The following ROBO2 variants were observed in gnomAD, a reference collection of about 807,000 sequenced individuals.
The protein encoded by ROBO2 is roundabout guidance receptor 2.
In ROBO2, 53 loss-of-function variants were observed where a neutral mutation model predicts 160.8. The ratio of observed to expected loss-of-function variants is 0.33; its 90% confidence interval spans 0.26 to 0.41. ROBO2 has a LOEUF of 0.41. ROBO2 is among the 10% of genes least tolerant of loss of function. The probability of loss-of-function intolerance (pLI) is 1.00; values close to 1 mark genes in which losing one functional copy is unlikely to be tolerated. For missense variants in ROBO2, 1,577 were observed against 1,722.4 expected, an observed-to-expected ratio of 0.92 and a Z score of 1.49; for synonymous variants, 664 against 611.7, an observed-to-expected ratio of 1.09 and a Z score of -1.26.
At chr3:77,355,343 C>T (rs993139158) in intron 2 of ROBO2, among the ~76,000 whole-genome samples, 1 of 152,164 alleles carries the variant, frequency 6.6e-6, no homozygotes, top group African/African-American at 2.4e-5. Flanking sequence ...TGGCTTCTTG[C>T]ACTTAGCAAA....
intron 2 of ROBO2, among the ~76,000 whole-genome samples, chr3:77,387,642 G>GA (rs533585196): frequency 7.8e-4 from 107 of 137,156 alleles, no homozygotes; most frequent in Middle Eastern, 7.5e-3. Flanking sequence ...TCTACCAAAA[G>GA]AAAAAAAAAA....
chr3:77,621,542 C>G (rs1291934790), intron 22 of ROBO2, among the ~76,000 whole-genome samples: 1 of 152,114 alleles, frequency 6.6e-6, no homozygotes, highest in Non-Finnish European at 1.5e-5. Context: ...TTATTTAACA[C>G]ACTAGTGTTC....
chr3:76,736,554 A>G (rs991594309), intron 2 of ROBO2, among the ~76,000 whole-genome samples: 3 of 152,234 alleles, frequency 2.0e-5, no homozygotes, highest in Non-Finnish European at 4.4e-5. Context: ...TGTTTGGAAC[A>G]TGTGCTTTGG....
At chr3:76,574,732 C>G (rs2108637186) in intron 2 of ROBO2, among the ~76,000 whole-genome samples, 1 of 152,170 alleles carries the variant, frequency 6.6e-6, no homozygotes, top group Non-Finnish European at 1.5e-5. Flanking sequence ...CCGGGCTTCT[C>G]AAACTTTAAT....
At chr3:76,794,188 A>C (rs2063545522) in intron 2 of ROBO2, among the ~76,000 whole-genome samples, 1 of 151,804 alleles carries the variant, frequency 6.6e-6, no homozygotes, top group Admixed American at 6.6e-5. Context: ...AATGAGGAAA[A>C]AATTATGGAA....
intron 2 of ROBO2, among the ~76,000 whole-genome samples, chr3:76,205,849 A>G (rs1283974041): frequency 6.6e-6 from 1 of 152,180 alleles, no homozygotes; most frequent in Non-Finnish European, 1.5e-5. Flanking sequence ...CTGATAGAAA[A>G]GGAAGCATTT....
chr3:76,623,954 T>C (rs1578641267), intron 2 of ROBO2, among the ~76,000 whole-genome samples: 1 of 152,284 alleles, frequency 6.6e-6, no homozygotes, highest in African/African-American at 2.4e-5. Flanking sequence ...GTATAACTTA[T>C]ATATTTTATC....
At chr3:76,683,150 T>A (rs2092606562) in intron 2 of ROBO2, among the ~76,000 whole-genome samples, 1 of 152,090 alleles carries the variant, frequency 6.6e-6, no homozygotes, top group Non-Finnish European at 1.5e-5. Flanking sequence ...AATTGTGGCA[T>A]CCAGAGGCAT....
At chr3:77,270,978 T>G (rs531678028) in intron 2 of ROBO2, among the ~76,000 whole-genome samples, 1 of 152,246 alleles carries the variant, frequency 6.6e-6, no homozygotes, top group African/African-American at 2.4e-5. Flanking sequence ...TATGTCATTG[T>G]TGAAAGTGAT....
At chr3:77,154,289 G>A (rs1050870489) in intron 2 of ROBO2, among the ~76,000 whole-genome samples, 2 of 152,026 alleles carry the variant, frequency 1.3e-5, no homozygotes, top group African/African-American at 2.4e-5. Flanking sequence ...AATAGGTACA[G>A]AGGAAAAAAA....
chr3:76,223,880 T>C (rs1704129025), intron 2 of ROBO2, among the ~76,000 whole-genome samples: 1 of 152,218 alleles, frequency 6.6e-6, no homozygotes, highest in Non-Finnish European at 1.5e-5. Flanking sequence ...CCAAAAATGT[T>C]TTAAAGTATC....
intron 12 of ROBO2, among the ~76,000 whole-genome samples, chr3:77,566,442 A>G (rs1407983355): frequency 6.6e-6 from 1 of 152,086 alleles, no homozygotes; most frequent in South Asian, 2.1e-4. Context: ...TGTTTGAATT[A>G]AGTGTGTAAA....
chr3:76,438,727 A>G (rs886878424), intron 2 of ROBO2, among the ~76,000 whole-genome samples: 2 of 152,122 alleles, frequency 1.3e-5, no homozygotes, highest in African/African-American at 2.4e-5. Context: ...TAAATTTATT[A>G]ATTTTCATGG....
At chr3:77,570,334 G>T (rs28619383) in intron 13 of ROBO2, among the ~76,000 whole-genome samples, 7,462 of 152,028 alleles carry the variant, frequency 0.049, 378 homozygotes, top group East Asian at 0.13. Context: ...TCTTCCAGGA[G>T]GGGGACGTTG....
chr3:76,510,569 C>T lies in ROBO2; in HGVS notation c.109+572967C>T, dbSNP rs529635712. 2.0e-3 allele frequency among the ~76,000 whole-genome samples: 299 copies of T among 152,108 alleles called. 4 individuals are homozygous for T. Among genetic ancestry groups the T allele is most frequent in the South Asian group, 6.6e-3 (32 of 4,818 alleles). On this transcript the variant is annotated intron_variant, in intron 2 of 26. Transcript: ENST00000487694. ...CAAAATCCCATCTCTACCAAAAATG[C>T]ACAAATTAGCCAGATGTGGTGGCAG...
intron 7 of ROBO2, among the ~76,000 whole-genome samples, chr3:77,549,007 TG>T (rs1437432467): frequency 3.3e-5 from 5 of 151,982 alleles, no homozygotes; most frequent in Non-Finnish European, 7.4e-5. Context: ...CTGAACTTAA[TG>T]GTCCATATTT....
chr3:76,995,636 C>T (rs2060954890), intron 2 of ROBO2, among the ~76,000 whole-genome samples: 1 of 152,092 alleles, frequency 6.6e-6, no homozygotes, highest in Non-Finnish European at 1.5e-5. Context: ...TTTTAATGAT[C>T]ACCATTCTAA....
rs921378027 is a variant in ROBO2 at position 77,350,305 on chromosome 3, G to A, written c.389-127109G>A. Among the ~76,000 whole-genome samples the A allele has an allele frequency of 1.4e-4, 21 of 152,092 alleles. No homozygotes were observed. The South Asian group carries it at 1.9e-3, about 14-fold the overall frequency. The stretch of plus-strand genomic sequence containing the variant: ...CAGGAGGTTGAGGCTGCAGTGAGCC[G>A]TGATAGTGTCTCTGCACTCCAGCTT... On this transcript the variant is annotated intron_variant, in intron 2 of 25. Transcript: ENST00000461745.
At chr3:76,003,912 A>G (rs1367989041) in intron 2 of ROBO2, among the ~76,000 whole-genome samples, 1 of 152,244 alleles carries the variant, frequency 6.6e-6, no homozygotes, top group South Asian at 2.1e-4. Flanking sequence ...TAGGATGGCT[A>G]TAATAAAATT....
Sources: gnomAD v4.1 joint callset for allele counts (sites outside exome capture counted in the v4.1 genomes callset) on GRCh38, gnomAD v4.1.1 for gene constraint, MANE v1.5 for transcripts, NCBI Gene and HGNC (gene_info 2026-07-23, HGNC 2026-07-21) for gene names.